The following DLGAP1 variants were observed in gnomAD, a reference collection of about 807,000 sequenced individuals.
DLGAP1 encodes the protein disks large-associated protein 1.
Under a neutral mutation model 90.8 loss-of-function variants are expected in DLGAP1, and 11 were observed. That is an observed-to-expected ratio of 0.12 (90% CI 0.08 to 0.20). The LOEUF (loss-of-function observed/expected upper bound fraction) is 0.20. DLGAP1 is among the 10% of genes least tolerant of loss of function. The pLI, the probability that DLGAP1 is intolerant of heterozygous loss-of-function variation, is 1.00. For missense variants in DLGAP1, 1,050 were observed against 1,333.8 expected (o/e 0.79, Z 3.31); for synonymous variants, 558 against 540.7 (o/e 1.03, Z -0.44).
intron 3 of DLGAP1, among the ~76,000 whole-genome samples, chr18:3,907,123 C>A (rs2071925905): frequency 6.6e-6 from 1 of 152,004 alleles, no homozygotes; most frequent in African/African-American, 2.4e-5. Flanking sequence ...ACATGAGCAT[C>A]CATGGATGTT....
intron 1 of DLGAP1, among the ~76,000 whole-genome samples, chr18:4,224,892 G>A (rs2078153577): frequency 6.6e-6 from 1 of 152,082 alleles, no homozygotes; most frequent in Non-Finnish European, 1.5e-5. Flanking sequence ...GCTTTTGGGG[G>A]ACCCAGTGCT....
chr18:3,933,976 T>C (rs1393122870), intron 3 of DLGAP1, among the ~76,000 whole-genome samples: 1 of 152,156 alleles, frequency 6.6e-6, no homozygotes, highest in South Asian at 2.1e-4. Context: ...TCGAGGTCAT[T>C]GGAGGCCATT....
intron 4 of DLGAP1, among the ~76,000 whole-genome samples, chr18:3,839,266 G>A (rs1308975772): frequency 6.6e-6 from 1 of 152,082 alleles, no homozygotes; most frequent in Admixed American, 6.6e-5. Context: ...AGCACTGTGC[G>A]AGTAGAAACC....
At chr18:3,723,569 G>A (rs1208778535) in intron 7 of DLGAP1, among the ~76,000 whole-genome samples, 1 of 152,064 alleles carries the variant, frequency 6.6e-6, no homozygotes, top group African/African-American at 2.4e-5. Context: ...TGTGTGGGGG[G>A]GGAGTGGGGA....
chr18:3,910,397 A>C (rs537760562), intron 3 of DLGAP1, among the ~76,000 whole-genome samples: 1 of 152,244 alleles, frequency 6.6e-6, no homozygotes, highest in Non-Finnish European at 1.5e-5. Context: ...TTGATGATTT[A>C]AGACAAAGCA....
chr18:3,564,373 C>A (rs1195303383), intron 9 of DLGAP1, among the ~76,000 whole-genome samples: 2 of 152,174 alleles, frequency 1.3e-5, no homozygotes, highest in Non-Finnish European at 2.9e-5. Flanking sequence ...TGTCCCTTCC[C>A]CCATGTGGAA....
At chr18:4,196,510 G>A (rs1008413921) in intron 1 of DLGAP1, among the ~76,000 whole-genome samples, 3 of 152,230 alleles carry the variant, frequency 2.0e-5, no homozygotes, top group Admixed American at 1.3e-4. Context: ...TTGGCAGTGT[G>A]AATGCGACAG....
chr18:4,284,735 G>C (rs664096), intron 1 of DLGAP1, among the ~76,000 whole-genome samples: 97,523 of 152,196 alleles, frequency 0.64, 33,451 homozygotes, highest in East Asian at 0.79. Context: ...CAGGTCTCAG[G>C]TGACAAGCTA....
chr18:4,312,928 C>CA (rs1036002808), intron 1 of DLGAP1, among the ~76,000 whole-genome samples: 2 of 152,118 alleles, frequency 1.3e-5, no homozygotes, highest in African/African-American at 4.8e-5. Context: ...GTTAGTTGTG[C>CA]AAACATGCGT....
At chr18:3,720,999 T>A (rs924051630) in intron 7 of DLGAP1, among the ~76,000 whole-genome samples, 5 of 151,240 alleles carry the variant, frequency 3.3e-5, no homozygotes. Context: ...GAGGCTGCAG[T>A]GAGCTGGGAT....
chr18:4,097,831 G>A (rs544621567), intron 2 of DLGAP1, among the ~76,000 whole-genome samples: 4 of 152,314 alleles, frequency 2.6e-5, no homozygotes, highest in Admixed American at 2.0e-4. Flanking sequence ...AATATAGTGG[G>A]ATATTTTTCT....
At chr18:4,408,820 A>G (rs185354987) in intron 1 of DLGAP1, among the ~76,000 whole-genome samples, 308 of 152,296 alleles carry the variant, frequency 2.0e-3, no homozygotes, top group African/African-American at 7.2e-3. Context: ...GAAAAATCAT[A>G]TACTCAAAAG....
chr18:3,528,536 G>A (rs191302953), intron 10 of DLGAP1, among the ~76,000 whole-genome samples: 80 of 152,262 alleles, frequency 5.3e-4, no homozygotes, highest in African/African-American at 1.7e-3. Context: ...ATGTGTATCT[G>A]TTCTATCAGA....
chr18:3,911,095 T>C (rs1318286397), intron 3 of DLGAP1, among the ~76,000 whole-genome samples: 1 of 152,240 alleles, frequency 6.6e-6, no homozygotes, highest in Non-Finnish European at 1.5e-5. Context: ...TGTTAGAAAG[T>C]TTTAGATGGT....
At chr18:4,113,893 T>C (rs1393865419) in intron 2 of DLGAP1, among the ~76,000 whole-genome samples, 1 of 152,184 alleles carries the variant, frequency 6.6e-6, no homozygotes, top group South Asian at 2.1e-4. Flanking sequence ...CTTATTTTTA[T>C]TGACTTTGTC....
chr18:4,377,560 T>C (rs902975478), intron 1 of DLGAP1, among the ~76,000 whole-genome samples: 1 of 152,156 alleles, frequency 6.6e-6, no homozygotes, highest in Non-Finnish European at 1.5e-5. Context: ...CTTACACTCC[T>C]TAGGAATTTT....
At chr18:4,411,673 C>T (rs554843541) in intron 1 of DLGAP1, among the ~76,000 whole-genome samples, 2 of 152,272 alleles carry the variant, frequency 1.3e-5, no homozygotes, top group Admixed American at 1.3e-4. Flanking sequence ...TCTGAAGGCT[C>T]CACATTCTGC....
At chr18:4,332,150 AT>A (rs200543885) in intron 1 of DLGAP1, among the ~76,000 whole-genome samples, 3,071 of 152,068 alleles carry the variant, frequency 0.02, 46 homozygotes, top group Admixed American at 0.03. Flanking sequence ...CATGATTGGA[AT>A]GGGGAGTAGG....
intron 1 of DLGAP1, among the ~76,000 whole-genome samples, chr18:4,433,054 A>G (rs930345840): frequency 6.6e-6 from 1 of 152,214 alleles, no homozygotes; most frequent in African/African-American, 2.4e-5. Context: ...CTGGGGATTC[A>G]GCAGAGCCAG....
Sources: gnomAD v4.1 joint callset for allele counts (sites outside exome capture counted in the v4.1 genomes callset) on GRCh38, gnomAD v4.1.1 for gene constraint, MANE v1.5 for transcripts, NCBI Gene and HGNC (gene_info 2026-07-23, HGNC 2026-07-21) for gene names.